Variants in PDZRN4 observed in about 807,000 individuals in gnomAD.
The protein encoded by PDZRN4 is PDZ domain-containing RING finger protein 4.
Under a neutral mutation model 99.0 loss-of-function variants are expected in PDZRN4, and 70 were observed. The observed-to-expected ratio is 0.71, with a 90% CI of 0.58 to 0.86. PDZRN4 has a LOEUF of 0.86. PDZRN4 is among the 40% of genes least tolerant of loss of function. The pLI is 0.00. For synonymous variants in PDZRN4, 551 were observed against 501.6 expected (o/e 1.10, Z -1.32); for missense variants, 1,474 against 1,331.2 (o/e 1.11, Z -1.67).
chr12:41,285,157 C>T (rs957637441), intron 3 of PDZRN4, among the ~76,000 whole-genome samples: 1 of 149,454 alleles, frequency 6.7e-6, no homozygotes, highest in Non-Finnish European at 1.5e-5. Flanking sequence ...AACAAATTTA[C>T]AAGAAAAAAA....
intron 3 of PDZRN4, among the ~76,000 whole-genome samples, chr12:41,342,657 A>T (rs1043890464): frequency 4.6e-5 from 7 of 151,976 alleles, no homozygotes; most frequent in African/African-American, 1.2e-4. Flanking sequence ...CCACAATGAG[A>T]TATCACCTCA....
chr12:41,273,058 T>C (rs1951325871), intron 3 of PDZRN4, among the ~76,000 whole-genome samples: 1 of 152,046 alleles, frequency 6.6e-6, no homozygotes, highest in African/African-American at 2.4e-5. Flanking sequence ...TTGTCTGGGC[T>C]TCATTTAGTA....
At chr12:41,279,400 C>T (rs76490468) in intron 3 of PDZRN4, among the ~76,000 whole-genome samples, 2,222 of 152,262 alleles carry the variant, frequency 0.015, 22 homozygotes, top group Middle Eastern at 0.034. Context: ...AAAGCTAAAA[C>T]GTGTTGGCCC....
At chr12:41,331,797 A>G (rs1159999738) in intron 3 of PDZRN4, among the ~76,000 whole-genome samples, 1 of 152,102 alleles carries the variant, frequency 6.6e-6, no homozygotes, top group Non-Finnish European at 1.5e-5. Context: ...AGAACCGAGC[A>G]AAGCAAGAAA....
chr12:41,553,417 A>G (rs1939092595), intron 6 of PDZRN4, among the ~76,000 whole-genome samples: 1 of 152,190 alleles, frequency 6.6e-6, no homozygotes, highest in African/African-American at 2.4e-5. Flanking sequence ...GTGGGAAGGA[A>G]TGTTTTTAAA....
At chr12:41,297,376 G>A (rs1951503409) in intron 3 of PDZRN4, among the ~76,000 whole-genome samples, 1 of 152,010 alleles carries the variant, frequency 6.6e-6, no homozygotes, top group Non-Finnish European at 1.5e-5. Flanking sequence ...TTTAACCCAG[G>A]GGATAATGTA....
intron 3 of PDZRN4, among the ~76,000 whole-genome samples, chr12:41,328,410 T>C (rs894576418): frequency 3.3e-5 from 5 of 152,078 alleles, no homozygotes; most frequent in Admixed American, 1.3e-4. Context: ...ATGCCTGTAA[T>C]CCCAACTACA....
At chr12:41,327,593 G>A (rs1047256816) in intron 3 of PDZRN4, among the ~76,000 whole-genome samples, 2 of 152,122 alleles carry the variant, frequency 1.3e-5, no homozygotes, top group East Asian at 1.9e-4. Flanking sequence ...AAAAGCATGC[G>A]AGCTCTCAGC....
intron 3 of PDZRN4, among the ~76,000 whole-genome samples, chr12:41,456,390 C>T (rs1409563280): frequency 6.6e-6 from 1 of 151,984 alleles, no homozygotes; most frequent in Non-Finnish European, 1.5e-5. Flanking sequence ...ACTGCCCTAC[C>T]TCATCTTTAA....
At chr12:41,465,074 C>T (rs1298205678) in intron 3 of PDZRN4, among the ~76,000 whole-genome samples, 1 of 152,140 alleles carries the variant, frequency 6.6e-6, no homozygotes, top group Non-Finnish European at 1.5e-5. Context: ...ATCTGCCCAC[C>T]TTGGCCTCCC....
chr12:41,239,799 G>T (rs1204290650), intron 3 of PDZRN4, among the ~76,000 whole-genome samples: 1 of 152,204 alleles, frequency 6.6e-6, no homozygotes, highest in African/African-American at 2.4e-5. Flanking sequence ...GGAGTAAACA[G>T]AGTTGTGTAA....
In PDZRN4 at chr12:41,572,700, G is replaced by A; in HGVS notation, c.1921G>A (p.Gly641Arg). The change falls in exon 10 of 10, where the codon GGA (glycine) becomes AGA (arginine). Residue 641 changes from glycine to arginine, a missense_variant. Coordinates refer to ENST00000402685, the MANE Select transcript of PDZRN4 (RefSeq NM_001164595.2). Reference protein sequence around the residue: ...LELKCKIRNHGEYDLYYSSST... With the variant: ...LELKCKIRNHREYDLYYSSST... ...GCTCAAATGCAAGATTCGAAATCAT[G>A]GAGAGTATGACCTGTATTACTCAAG... 1 of 1,614,110 alleles carries A rather than the reference G, an allele frequency of 6.2e-7. No homozygotes were observed. The highest frequency in any genetic ancestry group is 1.1e-5 in the South Asian group (1 of 91,072).
At chr12:41,301,237 C>T (rs768905801) in intron 3 of PDZRN4, among the ~76,000 whole-genome samples, 2 of 151,796 alleles carry the variant, frequency 1.3e-5, no homozygotes, top group African/African-American at 2.4e-5. Flanking sequence ...GACATCATGC[C>T]CATTTGAATA....
chr12:41,416,161 A>G (rs1952443653), intron 3 of PDZRN4, among the ~76,000 whole-genome samples: 1 of 152,196 alleles, frequency 6.6e-6, no homozygotes, highest in Non-Finnish European at 1.5e-5. Context: ...TTAAAATGTG[A>G]GCAAGTGTAC....
intron 3 of PDZRN4, among the ~76,000 whole-genome samples, chr12:41,302,463 G>A (rs77231000): frequency 1.1e-4 from 17 of 152,194 alleles, no homozygotes; most frequent in Admixed American, 2.0e-4. Context: ...AGGATGTTTT[G>A]TGTGCAGAAT....
At chr12:41,505,563 T>C (rs1254986737) in intron 3 of PDZRN4, among the ~76,000 whole-genome samples, 1 of 152,124 alleles carries the variant, frequency 6.6e-6, no homozygotes, top group Non-Finnish European at 1.5e-5. Context: ...TGGGAAACAT[T>C]CCTGGCCCTT....
intron 3 of PDZRN4, among the ~76,000 whole-genome samples, chr12:41,474,672 AAATACTT>A (rs1953023608): frequency 6.6e-6 from 1 of 152,182 alleles, no homozygotes; most frequent in Non-Finnish European, 1.5e-5. Context: ...AAGCATTATT[AAATACTT>A]CAATGGGAAG....
chr12:41,366,245 C>T (rs1190741303), intron 3 of PDZRN4, among the ~76,000 whole-genome samples: 8 of 152,094 alleles, frequency 5.3e-5, no homozygotes, highest in Admixed American at 3.3e-4. Flanking sequence ...AGGATAGTCA[C>T]GGCCATAGAT....
At chr12:41,333,359 C>T (rs1362648572) in intron 3 of PDZRN4, among the ~76,000 whole-genome samples, 1 of 152,088 alleles carries the variant, frequency 6.6e-6, no homozygotes, top group Non-Finnish European at 1.5e-5. Context: ...ACCGCCACCC[C>T]CAACTTGAAC....
Sources: allele counts gnomAD v4.1 joint callset (sites outside exome capture counted in the v4.1 genomes callset), GRCh38; gene constraint gnomAD v4.1.1; transcripts MANE v1.5; gene names NCBI Gene and HGNC (gene_info 2026-07-23, HGNC 2026-07-21).